The following PHLDB2 variants were observed in gnomAD, a reference collection of about 807,000 sequenced individuals.
The protein encoded by PHLDB2 is pleckstrin homology-like domain family B member 2.
In PHLDB2, 71 loss-of-function variants were observed where a neutral mutation model predicts 123.6. The observed-to-expected ratio is 0.57, with a 90% confidence interval of 0.47 to 0.70. The LOEUF is 0.70. PHLDB2 is among the 30% of genes least tolerant of loss of function. PHLDB2 has a pLI of 0.00. For synonymous variants in PHLDB2, 547 were observed against 541.6 expected (o/e 1.01, Z -0.14); for missense variants, 1,446 against 1,519.5 (o/e 0.95, Z 0.80).
Position 111,969,974 on chromosome 3 carries a change from C to A in PHLDB2, c.3535+65C>A. The A allele has an allele frequency of 2.0e-6, 3 of 1,489,184 alleles. No individual in the cohort carries two copies. In the South Asian group the frequency reaches 3.5e-5, roughly 17 times the overall value. 92.2% of individuals were successfully genotyped at this position (1,489,184 alleles called of 1,614,324 possible). A position where few individuals can be genotyped will look rare whatever the true frequency, so the allele number is the denominator to read the frequency against. ...AGAACCCCCTGTTAAAGAGCAAAGG[C>A]AATTGAAATTCAGTGTAAATAGGTA... On this transcript the variant is annotated intron_variant, in intron 16 of 17. Transcript: ENST00000431670.
intron 3 of PHLDB2, chr3:111,917,440 C>A (rs960899742): frequency 1.3e-5 from 2 of 152,176 alleles, no homozygotes; most frequent in Non-Finnish European, 2.9e-5. Flanking sequence ...AATATGTAAT[C>A]TTGACCCAAC....
At chr3:111,828,016 T>G (rs1489336116) in intron 1 of PHLDB2, among the ~76,000 whole-genome samples, 1 of 152,190 alleles carries the variant, frequency 6.6e-6, no homozygotes, top group Non-Finnish European at 1.5e-5. Flanking sequence ...AAAACTGCAT[T>G]CCAAAATTAG....
In PHLDB2 at chr3:111,793,130, C is replaced by T. The variant is rs578201424; in HGVS notation, c.-48-52691C>T. ...TCTTGCCTTCAGGGGGCAAGCTTCC[C>T]CCACCCAACCCAGGGCAGGTCCAGA... On this transcript the variant is annotated intron_variant, in intron 1 of 17. Transcript: ENST00000393923. 7.9e-5 allele frequency among the ~76,000 whole-genome samples: 12 copies of T among 152,298 alleles called. No individual in the cohort carries two copies. In the South Asian group the frequency reaches 2.3e-3, roughly 29 times the overall value.
chr3:111,913,982 G>T (rs1440491474), intron 3 of PHLDB2: 11 of 383,900 alleles, frequency 2.9e-5, no homozygotes. Context: ...GTGATAAGCA[G>T]GTGTAAAACT....
intron 2 of PHLDB2, 102 bp from the exon 3 acceptor site, chr3:111,913,217 T>C (rs913937340): frequency 1.6e-6 from 2 of 1,277,356 alleles, no homozygotes; most frequent in Non-Finnish European, 2.2e-6. Flanking sequence ...GGTTTATGTA[T>C]GGAATGCAAG....
intron 2 of PHLDB2, among the ~76,000 whole-genome samples, chr3:111,899,996 T>C (rs925605256): frequency 1.3e-5 from 2 of 152,240 alleles, no homozygotes; most frequent in Non-Finnish European, 1.5e-5. Flanking sequence ...ATATTCTGTT[T>C]CACTTTGCAC....
intron 1 of PHLDB2, among the ~76,000 whole-genome samples, chr3:111,766,944 T>A (rs2060092607): frequency 7.1e-6 from 1 of 141,430 alleles, no homozygotes; most frequent in Admixed American, 7.8e-5. Context: ...GGCAGGAGAA[T>A]CGCTGGAACG....
At chr3:111,742,326 T>C (rs2059617043) in intron 1 of PHLDB2, among the ~76,000 whole-genome samples, 1 of 152,166 alleles carries the variant, frequency 6.6e-6, no homozygotes, top group Non-Finnish European at 1.5e-5. Flanking sequence ...TATTTTTTAT[T>C]ATACTTTAAA....
chr3:111,784,565 A>T (rs969599894), intron 1 of PHLDB2, among the ~76,000 whole-genome samples: 5 of 152,066 alleles, frequency 3.3e-5, no homozygotes, highest in Non-Finnish European at 5.9e-5. Context: ...AGCAAGAACT[A>T]ATTTTTGATT....
At chr3:111,767,540 C>T (rs2060103548) in intron 1 of PHLDB2, among the ~76,000 whole-genome samples, 1 of 152,166 alleles carries the variant, frequency 6.6e-6, no homozygotes, top group Non-Finnish European at 1.5e-5. Context: ...CACTTTCTAG[C>T]TTTGGGAAGC....
intron 1 of PHLDB2, among the ~76,000 whole-genome samples, chr3:111,789,321 A>G (rs2060816725): frequency 6.6e-6 from 1 of 152,234 alleles, no homozygotes. Context: ...TATGCTCTCT[A>G]TGGGAACTAC....
chr3:111,859,958 T>C (rs574602698), intron 1 of PHLDB2: 1 of 904,534 alleles, frequency 1.1e-6, no homozygotes. Context: ...GGGTCGGCAG[T>C]GCCCAGGCTG....
At chr3:111,750,580 A>G (rs2107962000) in intron 1 of PHLDB2, among the ~76,000 whole-genome samples, 1 of 152,318 alleles carries the variant, frequency 6.6e-6, no homozygotes, top group South Asian at 2.1e-4. Context: ...GTAATCTGAG[A>G]GATCATCTTC....
intron 1 of PHLDB2, among the ~76,000 whole-genome samples, chr3:111,743,430 G>A (rs1186962617): frequency 1.3e-5 from 2 of 152,072 alleles, no homozygotes; most frequent in African/African-American, 4.8e-5. Flanking sequence ...TCTGCCTCGT[G>A]GACAAGCTTG....
chr3:111,949,676 A>G (rs2070582956), intron 10 of PHLDB2: 2 of 956,320 alleles, frequency 2.1e-6, no homozygotes, highest in Non-Finnish European at 2.5e-6. Context: ...GTGGACACAT[A>G]TATACCTTTT....
At chr3:111,820,265 C>G (rs925192088) in intron 1 of PHLDB2, among the ~76,000 whole-genome samples, 1 of 152,152 alleles carries the variant, frequency 6.6e-6, no homozygotes, top group Admixed American at 6.5e-5. Context: ...TCTGCATACT[C>G]TGAGTCGAAA....
At chr3:111,764,582 TA>T (rs199878660) in intron 1 of PHLDB2, among the ~76,000 whole-genome samples, 14 of 151,274 alleles carry the variant, frequency 9.3e-5, no homozygotes, top group South Asian at 6.3e-4. Flanking sequence ...GGAACTATGA[TA>T]AAAAAAAATA....
chr3:111,842,650 C>T (rs2063745037), intron 1 of PHLDB2, among the ~76,000 whole-genome samples: 1 of 152,114 alleles, frequency 6.6e-6, no homozygotes, highest in Admixed American at 6.5e-5. Context: ...TTAAAGTTTA[C>T]AATTCAATGG....
intron 1 of PHLDB2, among the ~76,000 whole-genome samples, chr3:111,753,300 T>C (rs1383519540): frequency 6.7e-6 from 1 of 149,374 alleles, no homozygotes; most frequent in Non-Finnish European, 1.5e-5. Flanking sequence ...CCACATCCTC[T>C]CCAGCACCTG....
Sources: allele counts gnomAD v4.1 joint callset (sites outside exome capture counted in the v4.1 genomes callset), GRCh38; gene constraint gnomAD v4.1.1; transcripts MANE v1.5; gene names NCBI Gene and HGNC (gene_info 2026-07-23, HGNC 2026-07-21).